Variants in PEX5L observed in about 807,000 individuals in gnomAD.
PEX5L encodes PEX5-related protein.
A neutral mutation model predicts 84.0 loss-of-function variants in PEX5L; 30 were observed. The observed-to-expected ratio is 0.36, with a 90% CI of 0.27 to 0.48. The LOEUF (loss-of-function observed/expected upper bound fraction) is 0.48. Among genes scored for constraint, PEX5L ranks in the 20% least tolerant of loss-of-function variants. The probability of loss-of-function intolerance (pLI) is 0.99; values close to 1 mark genes in which losing one functional copy is unlikely to be tolerated. For missense variants in PEX5L, 533 were observed against 754.6 expected (o/e 0.71, Z 3.44); for synonymous variants, 270 against 283.1 (o/e 0.95, Z 0.46).
chr3:180,021,086 C>T (rs1270542712), intron 1 of PEX5L, among the ~76,000 whole-genome samples: 3 of 152,054 alleles, frequency 2.0e-5, no homozygotes, highest in African/African-American at 4.8e-5. Context: ...AGGCATCTAA[C>T]CCAGCCCTGG....
chr3:179,975,165 G>A (rs1342127192), intron 1 of PEX5L, among the ~76,000 whole-genome samples: 1 of 151,998 alleles, frequency 6.6e-6, no homozygotes, highest in Non-Finnish European at 1.5e-5. Flanking sequence ...CTCCAGCCTG[G>A]GTGACAGAGT....
At chr3:180,001,001 G>A (rs1467870028) in intron 1 of PEX5L, among the ~76,000 whole-genome samples, 2 of 152,044 alleles carry the variant, frequency 1.3e-5, no homozygotes, top group Non-Finnish European at 2.9e-5. Flanking sequence ...TGTCTATGAG[G>A]GTGTTGCCAA....
intron 2 of PEX5L, among the ~76,000 whole-genome samples, chr3:179,913,388 T>C (rs886809308): frequency 2.6e-5 from 4 of 152,188 alleles, no homozygotes; most frequent in African/African-American, 7.2e-5. Context: ...TTTCCATTTA[T>C]AATAAACTTC....
At chr3:180,000,237 C>T (rs145118301) in intron 1 of PEX5L, among the ~76,000 whole-genome samples, 2,870 of 152,278 alleles carry the variant, frequency 0.019, 45 homozygotes, top group Non-Finnish European at 0.028. Context: ...GCTCCTCCTA[C>T]CTTTAAGTCA....
chr3:179,884,521 T>C (rs1755159068), intron 4 of PEX5L, among the ~76,000 whole-genome samples: 1 of 152,222 alleles, frequency 6.6e-6, no homozygotes, highest in African/African-American at 2.4e-5. Context: ...TATTGACATC[T>C]TGATTTTAGG....
rs12330485 is a variant in PEX5L, at chr3:179,860,362, G to C, written c.727-1205C>G. 8.8e-3 allele frequency among the ~76,000 whole-genome samples: 1,337 copies of C among 152,308 alleles called. 21 individuals are homozygous for C. The highest frequency in any genetic ancestry group is 0.031 in the African/African-American group (1,282 of 41,558). On this transcript the variant is annotated intron_variant, in intron 7 of 14. Coordinates refer to ENST00000467460, the MANE Select transcript of PEX5L (RefSeq NM_016559.3). ...CCCTTTTATTATAGAGTGGAGGTGG[G>C]GTAGGGAGGGTGACTTCTTGGTATG...
chr3:179,950,832 A>T (rs1339119923), intron 2 of PEX5L, among the ~76,000 whole-genome samples: 5 of 152,220 alleles, frequency 3.3e-5, no homozygotes, highest in Non-Finnish European at 7.4e-5. Flanking sequence ...TAAGTGAGTG[A>T]TGGATGAGGA....
intron 3 of PEX5L, chr3:179,895,996 A>T (rs1759133205): frequency 6.6e-6 from 1 of 152,150 alleles, no homozygotes; most frequent in African/African-American, 2.4e-5. Context: ...ACACTGGGAC[A>T]AACGTGTCAA....
intron 14 of PEX5L, 117 bp downstream of exon 14, chr3:179,807,557 G>A (rs931690274): frequency 6.2e-5 from 57 of 915,990 alleles, no homozygotes; most frequent in Admixed American, 5.8e-4. Context: ...CACCCTTAAC[G>A]GCAGGAGGAG....
chr3:179,954,639 G>A (rs565709512), intron 2 of PEX5L, among the ~76,000 whole-genome samples: 1 of 152,234 alleles, frequency 6.6e-6, no homozygotes, highest in Non-Finnish European at 1.5e-5. Context: ...ATGCAGTTTC[G>A]TTTTCTTGAT....
intron 2 of PEX5L, among the ~76,000 whole-genome samples, chr3:179,936,088 A>G (rs1343363341): frequency 6.6e-6 from 1 of 152,120 alleles, no homozygotes; most frequent in African/African-American, 2.4e-5. Flanking sequence ...GCAACACAAA[A>G]CGAATCAAGA....
chr3:179,806,811 A>G (rs1032332914), intron 14 of PEX5L, among the ~76,000 whole-genome samples: 1 of 152,244 alleles, frequency 6.6e-6, no homozygotes, highest in Non-Finnish European at 1.5e-5. Flanking sequence ...GCTAAAAATT[A>G]TAGACCAGAG....
intron 8 of PEX5L, among the ~76,000 whole-genome samples, chr3:179,843,145 A>G (rs2108346648): frequency 6.6e-6 from 1 of 152,324 alleles, no homozygotes; most frequent in South Asian, 2.1e-4. Flanking sequence ...TAAAAAAAGA[A>G]CTGATACTCA....
At chr3:179,937,447 T>C (rs1774912494) in intron 2 of PEX5L, among the ~76,000 whole-genome samples, 1 of 152,156 alleles carries the variant, frequency 6.6e-6, no homozygotes, top group African/African-American at 2.4e-5. Flanking sequence ...AAAAATAGCC[T>C]CTGAGAAGCA....
At chr3:179,971,533 A>G (rs982891423) in intron 2 of PEX5L, 61 bp downstream of exon 2, 1 of 1,523,416 alleles carries the variant, frequency 6.6e-7, no homozygotes, top group Non-Finnish European at 8.8e-7. Flanking sequence ...AACACTCAAA[A>G]GGCTTTAGTC....
At chr3:179,892,982 T>TAA (rs1758058053) in intron 3 of PEX5L, among the ~76,000 whole-genome samples, 1 of 152,132 alleles carries the variant, frequency 6.6e-6, no homozygotes, top group Admixed American at 6.6e-5. Context: ...GGAAAACCCT[T>TAA]AAGTGGTCAA....
rs761323916 is a variant in PEX5L, at chr3:179,859,154, G to A, written c.730C>T (p.Arg244Ter). Residue 244 changes from arginine (R) to a stop codon, truncating the protein, a stop_gained, in exon 8 of 15, where the codon CGA becomes TGA. Coordinates refer to ENST00000467460, the MANE Select transcript of PEX5L (RefSeq NM_016559.3). LOFTEE classifies it high-confidence loss of function. ...CCCCAGCGATGTTCTTTGGTCAGTCGAGCCTGAAATCAATCATACACATAG... is the reference window on the plus strand; with the variant it reads ...CCCCAGCGATGTTCTTTGGTCAGTCAAGCCTGAAATCAATCATACACATAG... ...ELELVAPTQA[R>*]LTKEHRWGSA... 6.2e-7 allele frequency: 1 copy of A among 1,610,214 alleles called. No individual in the cohort carries two copies. The highest frequency in any genetic ancestry group is 8.5e-7 in the Non-Finnish European group (1 of 1,176,458).
intron 1 of PEX5L, among the ~76,000 whole-genome samples, chr3:179,992,614 C>T (rs1787484369): frequency 6.6e-6 from 1 of 152,006 alleles, no homozygotes; most frequent in Admixed American, 6.6e-5. Context: ...TAACAGATGG[C>T]TCCCACTCAG....
chr3:179,810,133 C>T (rs1029817657), intron 11 of PEX5L, among the ~76,000 whole-genome samples: 4 of 148,358 alleles, frequency 2.7e-5, no homozygotes, highest in Non-Finnish European at 4.4e-5. Context: ...CCTGCCTCAG[C>T]GTCCGAATAG....
Sources: allele counts gnomAD v4.1 joint callset (sites outside exome capture counted in the v4.1 genomes callset), GRCh38; gene constraint gnomAD v4.1.1; transcripts MANE v1.5; gene names NCBI Gene and HGNC (gene_info 2026-07-23, HGNC 2026-07-21).